Variants in SPOP observed in about 807,000 individuals in gnomAD.
SPOP encodes speckle type BTB/POZ protein, also known as speckle-type POZ protein.
Under a neutral mutation model 45.6 loss-of-function variants are expected in SPOP, and 11 were observed. The observed-to-expected ratio is 0.24, with a 90% CI of 0.15 to 0.40. The LOEUF (loss-of-function observed/expected upper bound fraction) is 0.40, where lower values mean the gene tolerates loss of function less well. Ranked by LOEUF, SPOP falls within the 10% of genes least tolerant of loss-of-function variation. The pLI, the probability that SPOP is intolerant of heterozygous loss-of-function variation, is 1.00. For missense variants in SPOP, 152 were observed against 465.6 expected, an observed-to-expected ratio of 0.33 and a Z score of 6.20; for synonymous variants, 166 against 166.3, an observed-to-expected ratio of 1.00 and a Z score of 0.01.
chr17:49,635,505 GT>G (rs1197668708), intron 1 of SPOP, among the ~76,000 whole-genome samples: 3 of 151,896 alleles, frequency 2.0e-5, no homozygotes, highest in Admixed American at 6.6e-5. Context: ...ATGGTGGAGA[GT>G]TTTTTTTCTG....
chr17:49,628,459 T>C (rs1029662838), intron 1 of SPOP, among the ~76,000 whole-genome samples: 1 of 152,098 alleles, frequency 6.6e-6, no homozygotes, highest in African/African-American at 2.4e-5. Flanking sequence ...CATTAACCAG[T>C]TTTGATGTGA....
chr17:49,631,397 G>A (rs948749291), intron 1 of SPOP, among the ~76,000 whole-genome samples: 2 of 152,144 alleles, frequency 1.3e-5, no homozygotes, highest in African/African-American at 4.8e-5. Context: ...CCCATGGGAG[G>A]AAACTGGGTA....
intron 1 of SPOP, among the ~76,000 whole-genome samples, chr17:49,625,230 AAC>A (rs1360828552): frequency 2.0e-5 from 3 of 152,240 alleles, no homozygotes; most frequent in Non-Finnish European, 2.9e-5. Flanking sequence ...GAAAACTAGA[AAC>A]ACACTGAAAA....
At chr17:49,661,331 C>T (rs2072985100) in intron 1 of SPOP, among the ~76,000 whole-genome samples, 1 of 152,112 alleles carries the variant, frequency 6.6e-6, no homozygotes, top group Non-Finnish European at 1.5e-5. Flanking sequence ...CCATCTTCTG[C>T]TTCAGCCATG....
chr17:49,601,823 T>A, intron 9 of SPOP, 42 bp downstream of exon 9: 1 of 1,608,776 alleles, frequency 6.2e-7, no homozygotes, highest in Non-Finnish European at 8.5e-7. Flanking sequence ...TCTTCAGCTA[T>A]CCAACTATTT....
At chr17:49,640,424 A>G (rs768392653) in intron 1 of SPOP, among the ~76,000 whole-genome samples, 1 of 152,146 alleles carries the variant, frequency 6.6e-6, no homozygotes, top group African/African-American at 2.4e-5. Context: ...CCACCCAGGA[A>G]TAAATACCTA....
chr17:49,653,811 A>C (rs1474533520), intron 1 of SPOP, among the ~76,000 whole-genome samples: 1 of 149,148 alleles, frequency 6.7e-6, no homozygotes, highest in African/African-American at 2.4e-5. Flanking sequence ...AATAATATAA[A>C]TATATAATAT....
intron 8 of SPOP, among the ~76,000 whole-genome samples, chr17:49,605,927 G>A (rs2071833893): frequency 6.6e-6 from 1 of 151,434 alleles, no homozygotes; most frequent in Admixed American, 6.6e-5. Context: ...GGTGGAGGTT[G>A]CAGTGAGCCG....
chr17:49,649,032 CA>C (rs2072802018), intron 1 of SPOP, among the ~76,000 whole-genome samples: 1 of 151,712 alleles, frequency 6.6e-6, no homozygotes, highest in Admixed American at 6.6e-5. Context: ...GCTGGGATTA[CA>C]GGCGTGAGCC....
chr17:49,631,394 G>A (rs1261781730), intron 1 of SPOP, among the ~76,000 whole-genome samples: 6 of 152,180 alleles, frequency 3.9e-5, no homozygotes, highest in Non-Finnish European at 8.8e-5. Context: ...ACTCCCATGG[G>A]AGGAAACTGG....
At position 49,607,777 on chromosome 17, in the gene SPOP, A is replaced by G. The variant is rs555299650; in HGVS notation, c.714+97T>C. ...GGGACTCATACTCCATTTTAGTAAG[A>G]AAAAAGTAATTAGGAAAATGAATCT... is the stretch of plus-strand genomic sequence containing the variant. On this transcript the variant is annotated intron_variant, in intron 7 of 9. Coordinates refer to ENST00000504102, the MANE Select transcript of SPOP (RefSeq NM_001007228.2). The G allele has an allele frequency of 2.9e-3, 3,561 of 1,247,760 alleles. 10 individuals are homozygous for G. The highest frequency in any genetic ancestry group is 4.8e-3 in the South Asian group (359 of 74,748). The allele number at this position is 1,247,760 out of a possible 1,614,324, so 77.3% of individuals were successfully genotyped here. A position where few individuals can be genotyped will look rare whatever the true frequency, so the allele number is the denominator to read the frequency against.
chr17:49,643,502 T>C (rs1198288176), intron 1 of SPOP, among the ~76,000 whole-genome samples: 1 of 152,220 alleles, frequency 6.6e-6, no homozygotes, highest in East Asian at 1.9e-4. Context: ...ATGCTACCTT[T>C]GGCTAAGAAT....
intron 1 of SPOP, among the ~76,000 whole-genome samples, chr17:49,666,904 C>T (rs1307878180): frequency 6.6e-6 from 1 of 152,110 alleles, no homozygotes. Flanking sequence ...AAGGGCTGGG[C>T]GTGGTGGCTC....
chr17:49,608,287 T>C (rs922021711), intron 6 of SPOP, among the ~76,000 whole-genome samples: 2 of 152,184 alleles, frequency 1.3e-5, no homozygotes, highest in African/African-American at 4.8e-5. Context: ...GGTGTTCTAA[T>C]ACCTATGTTT....
rs960544858 is a variant in SPOP, at chr17:49,599,446, C to G, written c.*932G>C. 2.2e-5 allele frequency: 5 copies of G among 223,914 alleles called. No individual in the cohort carries two copies. The highest frequency in any genetic ancestry group is 4.5e-5 in the Non-Finnish European group (5 of 112,278). The allele number at this position is 223,914 out of a possible 1,614,324, so 13.9% of individuals were successfully genotyped here. ...CAATCTGGGCTGGGATTTTATCACACAGCATTTTTAATTGATAAAATTTCC... is the reference window on the plus strand; with the variant it reads ...CAATCTGGGCTGGGATTTTATCACAGAGCATTTTTAATTGATAAAATTTCC... On this transcript the variant is annotated 3_prime_UTR_variant, in exon 10 of 10. Transcript: ENST00000504102.
At chr17:49,677,759 C>A (rs1040774274) in intron 1 of SPOP, among the ~76,000 whole-genome samples, 174 bp downstream of exon 1, 1 of 146,762 alleles carries the variant, frequency 6.8e-6, no homozygotes, top group Non-Finnish European at 1.5e-5. Flanking sequence ...ACGGCTGATT[C>A]GGCTCTGGCA....
Position 49,599,348 on chromosome 17 carries a change from G to T in SPOP, c.*1030C>A. 4.4e-6 allele frequency: 1 copy of T among 225,100 alleles called. No homozygotes were observed. Among genetic ancestry groups the T allele is most frequent in the Non-Finnish European group, 8.9e-6 (1 of 112,656 alleles). 13.9% of individuals were successfully genotyped at this position (225,100 alleles called of 1,614,324 possible). The stretch of plus-strand genomic sequence containing the variant: ...ATTAACATTTGGAAGTTCTCCCCTG[G>T]AGGAAGAGGGGCTAGTCAGAAGGAA... On this transcript the variant is annotated 3_prime_UTR_variant, in exon 10 of 10. Transcript: ENST00000504102.
chr17:49,605,294 A>T (rs1253812233), intron 8 of SPOP, among the ~76,000 whole-genome samples: 2 of 152,230 alleles, frequency 1.3e-5, no homozygotes, highest in Non-Finnish European at 2.9e-5. Context: ...GCTAACCAGG[A>T]CACTAGGTAA....
intron 8 of SPOP, among the ~76,000 whole-genome samples, chr17:49,606,055 C>T (rs2071837821): frequency 6.6e-6 from 1 of 151,700 alleles, no homozygotes; most frequent in Non-Finnish European, 1.5e-5. Context: ...GTATATCCTC[C>T]TGTATACTTT....
Sources: allele counts gnomAD v4.1 joint callset (sites outside exome capture counted in the v4.1 genomes callset), GRCh38; gene constraint gnomAD v4.1.1; transcripts MANE v1.5; gene names NCBI Gene and HGNC (gene_info 2026-07-23, HGNC 2026-07-21).